The following NRG1 variants were observed in gnomAD, a reference collection of about 807,000 sequenced individuals.
The protein encoded by NRG1 is neuregulin 1, also known as pro-neuregulin-1, membrane-bound isoform.
NRG1 carries 18 observed loss-of-function variants against 63.8 expected under a neutral mutation model. The observed-to-expected ratio is 0.28, with a 90% CI of 0.19 to 0.42. The LOEUF is 0.42. Among genes scored for constraint, NRG1 ranks in the 10% least tolerant of loss-of-function variants. The pLI is 1.00. For synonymous variants in NRG1, 302 were observed against 301.3 expected, an observed-to-expected ratio of 1.00 and a Z score of -0.02; for missense variants, 762 against 814.7, an observed-to-expected ratio of 0.94 and a Z score of 0.79.
In NRG1 at chr8:32,579,340, G is replaced by A. The variant is rs537732999; in HGVS notation, c.101-16488G>A. Among the ~76,000 whole-genome samples the A allele has an allele frequency of 3.3e-5, 5 of 152,032 alleles. No individual in the cohort carries two copies. In the East Asian group the frequency reaches 9.7e-4, roughly 29 times the overall value. ...GTACAAAAACCCAGAATAGATCTTC[G>A]TGGCTCACTTTAGAGCGTAACAGCA... On this transcript the variant is annotated intron_variant, in intron 1 of 11. Transcript: ENST00000356819.
At chr8:32,344,602 A>ATTTT (rs61448713) in intron 1 of NRG1, among the ~76,000 whole-genome samples, 12 of 101,156 alleles carry the variant, frequency 1.2e-4, no homozygotes, top group East Asian at 2.8e-4. Flanking sequence ...ACACTCAGCT[A>ATTTT]TTTTTTTTTT....
chr8:31,754,339 T>C (rs1586163533), intron 1 of NRG1, among the ~76,000 whole-genome samples: 1 of 152,126 alleles, frequency 6.6e-6, no homozygotes, highest in Non-Finnish European at 1.5e-5. Context: ...GTCCTCATGA[T>C]AGCGAGTGAG....
chr8:31,797,823 G>A (rs1821377602), intron 1 of NRG1, among the ~76,000 whole-genome samples: 1 of 152,186 alleles, frequency 6.6e-6, no homozygotes, highest in African/African-American at 2.4e-5. Flanking sequence ...GAAAATGTAT[G>A]TATACAGAAT....
intron 1 of NRG1, among the ~76,000 whole-genome samples, chr8:31,983,367 G>A (rs1809496151): frequency 1.3e-5 from 2 of 151,950 alleles, no homozygotes; most frequent in African/African-American, 4.8e-5. Context: ...TGAACCTCAG[G>A]TCAATTAACT....
chr8:31,925,665 A>G (rs1834300234), intron 1 of NRG1, among the ~76,000 whole-genome samples: 1 of 150,558 alleles, frequency 6.6e-6, no homozygotes, highest in African/African-American at 2.4e-5. Flanking sequence ...TTTTTTCTCA[A>G]TGTTTTCATC....
intron 1 of NRG1, among the ~76,000 whole-genome samples, chr8:32,281,331 C>T (rs1188199215): frequency 6.6e-6 from 1 of 151,728 alleles, no homozygotes; most frequent in Non-Finnish European, 1.5e-5. Context: ...GCACCTGCCA[C>T]CAGGCCCCCA....
At chr8:32,763,360 G>T (rs1831058645) in intron 11 of NRG1, 4 of 1,613,608 alleles carry the variant, frequency 2.5e-6, no homozygotes, top group Admixed American at 1.7e-5. Context: ...CTTTAGGAAG[G>T]TATAGTATTT....
chr8:31,950,062 G>A (rs1803229082), intron 1 of NRG1, among the ~76,000 whole-genome samples: 1 of 152,150 alleles, frequency 6.6e-6, no homozygotes, highest in South Asian at 2.1e-4. Context: ...CTTAGGTGGT[G>A]CTTAATACAT....
intron 5 of NRG1, among the ~76,000 whole-genome samples, chr8:32,638,115 C>A (rs888964952): frequency 6.6e-6 from 1 of 152,174 alleles, no homozygotes; most frequent in Admixed American, 6.6e-5. Context: ...AGATGTGATT[C>A]CCAGTCCTGA....
chr8:31,679,607 G>A lies in NRG1; in HGVS notation c.37+40176G>A, dbSNP rs186060444. On this transcript the variant is annotated intron_variant, in intron 1 of 10. Transcript: ENST00000519301. ...CATTGAGCAAACATGATATTTATTGGTGAAACATTGAAAGTATTCTTTTTT... is the reference window on the plus strand; with the variant it reads ...CATTGAGCAAACATGATATTTATTGATGAAACATTGAAAGTATTCTTTTTT... Among the ~76,000 whole-genome samples the A allele has an allele frequency of 3.3e-5, 5 of 152,184 alleles. No homozygotes were observed. The East Asian group carries it at 9.7e-4, about 29-fold the overall frequency.
intron 1 of NRG1, among the ~76,000 whole-genome samples, chr8:31,766,796 T>A (rs145938051): frequency 1.3e-5 from 2 of 152,214 alleles, no homozygotes; most frequent in Admixed American, 1.3e-4. Flanking sequence ...AATATATTTA[T>A]GTTTATTTTA....
Position 32,608,219 on chromosome 8 carries a change from C to T in NRG1, c.400+2536C>T, listed in dbSNP as rs556321275. Among the ~76,000 whole-genome samples, 54 of 150,896 alleles carry T rather than the reference C, an allele frequency of 3.6e-4. 1 individual carries two copies. Among genetic ancestry groups the T allele is most frequent in the African/African-American group, 1.2e-3 (51 of 41,104 alleles). On this transcript the variant is annotated intron_variant, in intron 3 of 11. Coordinates refer to ENST00000356819, the Ensembl canonical transcript of NRG1. ...TTTGAGACAGGGTTTCACTCTGTCACCCAGGCTAGGGTGCAGAGGTGTGAT... is the reference window on the plus strand; with the variant it reads ...TTTGAGACAGGGTTTCACTCTGTCATCCAGGCTAGGGTGCAGAGGTGTGAT...
At chr8:32,443,902 T>G (rs1402931241) in intron 1 of NRG1, among the ~76,000 whole-genome samples, 1 of 152,172 alleles carries the variant, frequency 6.6e-6, no homozygotes, top group Admixed American at 6.5e-5. Flanking sequence ...CTGTATTGTG[T>G]GTTCTTGTCT....
chr8:32,088,043 C>G lies in NRG1; in HGVS notation c.37+448612C>G, dbSNP rs761391164. ...CCAAGGTGGTATTCTAGCCATCCTT[C>G]AAGGTCCTGTGCGAATACCATCTCC... On this transcript the variant is annotated intron_variant, in intron 1 of 10. Transcript: ENST00000519301. 4.6e-5 allele frequency among the ~76,000 whole-genome samples: 7 copies of G among 152,166 alleles called. 1 individual carries two copies. The South Asian group carries it at 1.4e-3, about 31-fold the overall frequency.
chr8:32,148,027 C>A (rs1360611348), intron 1 of NRG1, among the ~76,000 whole-genome samples: 1 of 151,976 alleles, frequency 6.6e-6, no homozygotes, highest in Non-Finnish European at 1.5e-5. Flanking sequence ...TCGTGAAAGT[C>A]TTTTATAATG....
At chr8:32,488,879 A>G (rs1044136062) in intron 1 of NRG1, among the ~76,000 whole-genome samples, 2 of 152,188 alleles carry the variant, frequency 1.3e-5, no homozygotes, top group African/African-American at 4.8e-5. Context: ...CCAGTGGTGA[A>G]TCTGTGCAGG....
At chr8:32,741,292 A>G (rs1045651968) in intron 6 of NRG1, among the ~76,000 whole-genome samples, 1 of 152,202 alleles carries the variant, frequency 6.6e-6, no homozygotes, top group Non-Finnish European at 1.5e-5. Flanking sequence ...CCTTAAATGC[A>G]AAATGACATG....
chr8:32,530,232 C>G (rs890307106), intron 1 of NRG1, among the ~76,000 whole-genome samples: 5 of 152,018 alleles, frequency 3.3e-5, no homozygotes, highest in Non-Finnish European at 7.4e-5. Flanking sequence ...CTCAGCCTCC[C>G]GAGTAGCTGG....
At chr8:31,874,505 C>T (rs1829747118) in intron 1 of NRG1, among the ~76,000 whole-genome samples, 1 of 152,104 alleles carries the variant, frequency 6.6e-6, no homozygotes, top group African/African-American at 2.4e-5. Flanking sequence ...TTACAGGGTA[C>T]ATGAGATGTG....
Sources: gnomAD v4.1 joint callset for allele counts (sites outside exome capture counted in the v4.1 genomes callset) on GRCh38, gnomAD v4.1.1 for gene constraint, MANE v1.5 for transcripts, NCBI Gene and HGNC (gene_info 2026-07-23, HGNC 2026-07-21) for gene names.